Variants in KCNA5 observed in about 807,000 individuals in gnomAD.
KCNA5 encodes the protein potassium voltage-gated channel subfamily A member 5, also known as cardiac potassium channel.
In KCNA5, 22 loss-of-function variants were observed where a neutral mutation model predicts 26.5. The observed-to-expected ratio is 0.83, with a 90% confidence interval of 0.59 to 1.18. KCNA5 has a LOEUF of 1.18. Ranked by LOEUF, KCNA5 falls within the 50% of genes most tolerant of loss-of-function variation. The probability of loss-of-function intolerance (pLI) is 0.00; values close to 1 mark genes in which losing one functional copy is unlikely to be tolerated. For synonymous variants in KCNA5, 465 were observed against 372.8 expected, an observed-to-expected ratio of 1.25 and a Z score of -2.85; for missense variants, 916 against 843.2, an observed-to-expected ratio of 1.09 and a Z score of -1.07.
chr12:5,043,885 GGGC>G lies in KCNA5; in HGVS notation c.-259_-257del, dbSNP rs1229222159. 4.2e-3 allele frequency: 2,131 copies of G among 512,482 alleles called. 11 individuals carry two copies. Among genetic ancestry groups the G allele is most frequent in the Non-Finnish European group, 4.9e-3 (1,412 of 291,028 alleles). 31.7% of individuals were successfully genotyped at this position (512,482 alleles called of 1,614,324 possible). On this transcript the variant is annotated 5_prime_UTR_variant, in exon 1 of 1. Coordinates refer to ENST00000252321, the MANE Select transcript of KCNA5 (RefSeq NM_002234.4). ...GGCCAAGCGCGGCGCAGCCAGAGAG[GGGC>G]GGCTGAAGGTTGCATCTGCTGGAAG...
chr12:5,044,694 G>C lies in KCNA5; in HGVS notation c.547G>C (p.Gly183Arg). 6.2e-7 allele frequency: 1 copy of C among 1,614,150 alleles called. No homozygotes were observed. The highest frequency in any genetic ancestry group is 8.5e-7 in the Non-Finnish European group (1 of 1,180,042). Residue 183 changes from glycine (G) to arginine (R), a missense_variant, in exon 1 of 1, where the codon GGC becomes CGC. By Grantham distance (125) the Gly-to-Arg change is moderately radical (BLOSUM62 -2). Transcript: ENST00000252321. ...TATCCTCTACTACTACCAGTCCGGGGGCCGCCTGCGGAGGCCGGTCAACGT... is the reference window on the plus strand; with the variant it reads ...TATCCTCTACTACTACCAGTCCGGGCGCCGCCTGCGGAGGCCGGTCAACGT... ...DGILYYYQSG[G>R]RLRRPVNVSL...
In KCNA5 at chr12:5,044,765, G is replaced by A. The variant is rs749688563; in HGVS notation, c.618G>A (p.Gly206=). ...ACGAGATACGCTTCTACCAGCTGGG[G>A]GACGAGGCCATGGAGCGCTTCCGCG... is the stretch of plus-strand genomic sequence containing the variant. The part of the protein sequence containing the change: ...FADEIRFYQL[G]DEAMERFRED... Residue 206 remains glycine (G), a synonymous_variant, in exon 1 of 1, where the codon GGG becomes GGA. Coordinates refer to ENST00000252321, the MANE Select transcript of KCNA5 (RefSeq NM_002234.4). The A allele has an allele frequency of 3.7e-6, 6 of 1,614,192 alleles. No individual in the cohort carries two copies. The highest frequency in any genetic ancestry group is 3.3e-5 in the South Asian group (3 of 91,082).
chr12:5,046,217 C>T lies in KCNA5; in HGVS notation c.*228C>T. 1.6e-6 allele frequency: 1 copy of T among 614,538 alleles called. No homozygotes were observed. Among genetic ancestry groups the T allele is most frequent in the Non-Finnish European group, 3.0e-6 (1 of 333,716 alleles). The allele number at this position is 614,538 out of a possible 1,614,324, so 38.1% of individuals were successfully genotyped here. A position where few individuals can be genotyped will look rare whatever the true frequency, so the allele number is the denominator to read the frequency against. On this transcript the variant is annotated 3_prime_UTR_variant, in exon 1 of 1. Transcript: ENST00000252321. Reference sequence around the variant, plus strand: ...AGTACCACATTCCATGACGCAGGAGCTGTGGAAATGGTGAGCGCTGTGAGA... The same window carrying T: ...AGTACCACATTCCATGACGCAGGAGTTGTGGAAATGGTGAGCGCTGTGAGA...
chr12:5,045,361 T>C lies in KCNA5; in HGVS notation c.1214T>C (p.Val405Ala). 2.5e-6 allele frequency: 4 copies of C among 1,613,652 alleles called. No homozygotes were observed. The highest frequency in any genetic ancestry group is 3.4e-6 in the Non-Finnish European group (4 of 1,179,812). ...GCCATCCTCCGAGTCATCCGCCTGGTCCGGGTGTTCCGCATCTTCAAGCTC... is the reference window on the plus strand; with the variant it reads ...GCCATCCTCCGAGTCATCCGCCTGGCCCGGGTGTTCCGCATCTTCAAGCTC... ...SLAILRVIRL[V>A]RVFRIFKLSR... The change falls in exon 1 of 1, where the codon GTC becomes GCC. Residue 405 changes from valine to alanine, a missense_variant. Transcript: ENST00000252321. The surrounding 1 kb of genome is among the most constrained non-coding windows in gnomAD (Gnocchi z 5.6).
Position 5,044,771 on chromosome 12 carries a change from G to A in KCNA5, c.624G>A (p.Glu208=), listed in dbSNP as rs570396793. ...TACGCTTCTACCAGCTGGGGGACGAGGCCATGGAGCGCTTCCGCGAGGATG... is the reference window on the plus strand; with the variant it reads ...TACGCTTCTACCAGCTGGGGGACGAAGCCATGGAGCGCTTCCGCGAGGATG... The part of the protein sequence containing the change: ...DEIRFYQLGD[E]AMERFREDEG... Residue 208 remains glutamate, a synonymous_variant, in exon 1 of 1, where the codon GAG becomes GAA. Transcript: ENST00000252321. 5.6e-6 allele frequency: 9 copies of A among 1,614,204 alleles called. No individual in the cohort carries two copies. In the East Asian group the frequency reaches 1.8e-4, roughly 32 times the overall value.
rs527534559 is a variant in KCNA5 at position 5,045,064 on chromosome 12, C to A, written c.917C>A (p.Pro306Gln). The part of the protein sequence containing the change: ...PGANGSGVMA[P>Q]PSGPTVAPLL... ...GCCAACGGCAGCGGGGTCATGGCCC[C>A]GCCCTCTGGCCCTACGGTGGCACCG... The change falls in exon 1 of 1, where the codon CCG becomes CAG. Residue 306 changes from proline to glutamine, a missense_variant. Pro to Gln is a moderately conservative substitution (Grantham distance 76). Coordinates refer to ENST00000252321, the MANE Select transcript of KCNA5 (RefSeq NM_002234.4). This position sits in a 1 kb window ranked among gnomAD's most constrained non-coding sequence, Gnocchi z 5.6. 86 of 1,612,630 alleles carry A rather than the reference C, an allele frequency of 5.3e-5. No homozygotes were observed. The Middle Eastern group carries it at 9.9e-4, about 19-fold the overall frequency.
Position 5,044,108 on chromosome 12 carries a change from C to T in KCNA5, c.-40C>T. 1 of 1,531,680 alleles carries T rather than the reference C, an allele frequency of 6.5e-7. No individual in the cohort carries two copies. Among genetic ancestry groups the T allele is most frequent in the South Asian group, 1.2e-5 (1 of 83,874 alleles). The allele number at this position is 1,531,680 out of a possible 1,614,324, so 94.9% of individuals were successfully genotyped here. A position where few individuals can be genotyped will look rare whatever the true frequency, so the allele number is the denominator to read the frequency against. ...GGAGCGTGAGTAGGGGGCGCGGGAG[C>T]CGGTCAGCTGGGGCGCAGCATGCCC... is the stretch of plus-strand genomic sequence containing the variant. On this transcript the variant is annotated 5_prime_UTR_variant, in exon 1 of 1. Transcript: ENST00000252321.
chr12:5,044,387 G>T lies in KCNA5; in HGVS notation c.240G>T (p.Pro80=), dbSNP rs886802131. Residue 80 remains proline, a synonymous_variant, in exon 1 of 1, where the codon CCG becomes CCT. Coordinates refer to ENST00000252321, the MANE Select transcript of KCNA5 (RefSeq NM_002234.4). ...ACCCGGGAGTGCGGCCCTTGCCTCC[G>T]CTGCCAGAGGAGCTGCCACGGCCTC... ...LPDPGVRPLP[P]LPEELPRPRR... is the part of the protein sequence containing the mutation. 1 of 1,575,486 alleles carries T rather than the reference G, an allele frequency of 6.3e-7. No individual in the cohort carries two copies. Among genetic ancestry groups the T allele is most frequent in the Non-Finnish European group, 8.6e-7 (1 of 1,166,346 alleles).
Position 5,045,521 on chromosome 12 carries a change from C to T in KCNA5, c.1374C>T (p.Asp458=). Residue 458 remains aspartate (D), a synonymous_variant, in exon 1 of 1, where the codon GAC becomes GAT. Transcript: ENST00000252321. This position sits in a 1 kb window ranked among gnomAD's most constrained non-coding sequence, Gnocchi z 5.6. ...FSSAVYFAEA[D]NQGTHFSSIP... is the part of the protein sequence containing the mutation. ...GTGCCGTCTACTTCGCAGAGGCTGA[C>T]AACCAGGGAACCCATTTCTCTAGCA... The T allele has an allele frequency of 6.2e-7, 1 of 1,614,244 alleles. No individual in the cohort carries two copies. The highest frequency in any genetic ancestry group is 8.5e-7 in the Non-Finnish European group (1 of 1,180,050).
In KCNA5 at chr12:5,046,019, G is replaced by T; in HGVS notation, c.*30G>T. 1 of 1,612,896 alleles carries T rather than the reference G, an allele frequency of 6.2e-7. No homozygotes were observed. Among genetic ancestry groups the T allele is most frequent in the South Asian group, 1.1e-5 (1 of 90,992 alleles). On this transcript the variant is annotated 3_prime_UTR_variant, in exon 1 of 1. Transcript: ENST00000252321. ...AGATTCAGGCAGACTGGTGGCAGTGGAGTAGGGAATGGGAGGCTTGCTGAA... is the reference window on the plus strand; with the variant it reads ...AGATTCAGGCAGACTGGTGGCAGTGTAGTAGGGAATGGGAGGCTTGCTGAA...
In KCNA5 at chr12:5,044,222, C is replaced by T; in HGVS notation, c.75C>T (p.Gly25=). The T allele has an allele frequency of 1.3e-6, 2 of 1,538,002 alleles. No homozygotes were observed. Among genetic ancestry groups the T allele is most frequent in the Middle Eastern group, 2.0e-4 (1 of 5,014 alleles). Residue 25 remains glycine (G), a synonymous_variant, in exon 1 of 1, where the codon GGC becomes GGT. Transcript: ENST00000252321. ...GAGGAGGCGATGAGGCCCGGGCAGG[C>T]TGCGGCCAGGCCACAGGGGGAGAGC... ...TVRGGDEARA[G]CGQATGGELQ... is the part of the protein sequence containing the mutation.
Position 5,045,156 on chromosome 12 carries a change from T to C in KCNA5, c.1009T>C (p.Phe337Leu), listed in dbSNP as rs776565064. 1 of 1,614,130 alleles carries C rather than the reference T, an allele frequency of 6.2e-7. No individual in the cohort carries two copies. Residue 337 changes from phenylalanine (F) to leucine (L), a missense_variant, in exon 1 of 1, where the codon TTC becomes CTC. Phe to Leu is a conservative substitution (Grantham distance 22). Coordinates refer to ENST00000252321, the MANE Select transcript of KCNA5 (RefSeq NM_002234.4). The surrounding 1 kb of genome is among the most constrained non-coding windows in gnomAD (Gnocchi z 5.6). ...GACCACGTGCGTCATCTGGTTCACC[T>C]TCGAGCTGCTCGTGCGCTTCTTCGC... The part of the protein sequence containing the change: ...VETTCVIWFT[F>L]ELLVRFFACP...
Position 5,045,854 on chromosome 12 carries a change from C to A in KCNA5, c.1707C>A (p.Thr569=), listed in dbSNP as rs770140095. The part of the protein sequence containing the change: ...SRGSFCKAGG[T]LENADSARRG... Reference sequence around the variant, plus strand: ...GATCCTTCTGCAAGGCTGGGGGGACCCTGGAGAATGCAGACAGTGCCCGAA... The same window carrying A: ...GATCCTTCTGCAAGGCTGGGGGGACACTGGAGAATGCAGACAGTGCCCGAA... The change falls in exon 1 of 1, where the codon ACC becomes ACA. Residue 569 remains threonine (T), a synonymous_variant. Coordinates refer to ENST00000252321, the MANE Select transcript of KCNA5 (RefSeq NM_002234.4). This position sits in a 1 kb window ranked among gnomAD's most constrained non-coding sequence, Gnocchi z 5.6. The A allele has an allele frequency of 3.7e-6, 6 of 1,613,978 alleles. No homozygotes were observed. The African/African-American group carries it at 8.0e-5, about 22-fold the overall frequency.
rs1383675030 is a variant in KCNA5, at chr12:5,044,326, C to G, written c.179C>G (p.Ala60Gly). ...APKGRGAQRD[A>G]DSGVRPLPPL... ...AAGGGGCGCGGCGCGCAGAGAGACG[C>G]GGACTCGGGAGTGCGGCCCTTGCCT... Residue 60 changes from alanine (A) to glycine (G), a missense_variant, in exon 1 of 1, where the codon GCG (alanine) becomes GGG (glycine). Coordinates refer to ENST00000252321, the MANE Select transcript of KCNA5 (RefSeq NM_002234.4). 3.2e-6 allele frequency: 5 copies of G among 1,550,516 alleles called. No individual in the cohort carries two copies. In the South Asian group the frequency reaches 4.7e-5, roughly 15 times the overall value.
rs761475984 is a variant in KCNA5, at chr12:5,045,976, A to G, written c.1829A>G (p.Glu610Gly). 1.2e-6 allele frequency: 2 copies of G among 1,613,354 alleles called. No individual in the cohort carries two copies. The highest frequency in any genetic ancestry group is 2.2e-5 in the South Asian group (2 of 91,078). The change falls in exon 1 of 1, where the codon GAA becomes GGA. Residue 610 changes from glutamate (E) to glycine (G), a missense_variant. Physicochemically the swap from Glu to Gly is moderately conservative, Grantham distance 98. Transcript: ENST00000252321. This position sits in a 1 kb window ranked among gnomAD's most constrained non-coding sequence, Gnocchi z 5.6. ...GCCCTCTGCCTGGACACCAGCCGGG[A>G]AACAGATTTGTGAAAGGAGATTCAG... ...LYALCLDTSR[E>G]TDL
At position 5,044,251 on chromosome 12, in the gene KCNA5, A is replaced by G; in HGVS notation, c.104A>G (p.Gln35Arg). The G allele has an allele frequency of 6.5e-7, 1 of 1,540,186 alleles. No individual in the cohort carries two copies. Among genetic ancestry groups the G allele is most frequent in the South Asian group, 1.2e-5 (1 of 84,190 alleles). Residue 35 changes from glutamine to arginine, a missense_variant, in exon 1 of 1, where the codon CAG becomes CGG. Physicochemically the swap from Gln to Arg is conservative, Grantham distance 43. Coordinates refer to ENST00000252321, the MANE Select transcript of KCNA5 (RefSeq NM_002234.4). ...GGCCAGGCCACAGGGGGAGAGCTCC[A>G]GTGTCCCCCGACGGCTGGGCTCAGC... ...GCGQATGGEL[Q>R]CPPTAGLSDG...
rs1846141535 is a variant in KCNA5, at chr12:5,044,727, G to C, written c.580G>C (p.Asp194His). 2 of 1,614,034 alleles carry C rather than the reference G, an allele frequency of 1.2e-6. No homozygotes were observed. The highest frequency in any genetic ancestry group is 1.1e-5 in the South Asian group (1 of 91,088). Residue 194 changes from aspartate to histidine, a missense_variant, in exon 1 of 1, where the codon GAC (aspartate) becomes CAC (histidine). Asp to His is a moderately conservative substitution (Grantham distance 81, BLOSUM62 -1). Coordinates refer to ENST00000252321, the MANE Select transcript of KCNA5 (RefSeq NM_002234.4). ...GCGGAGGCCGGTCAACGTCTCCCTGGACGTGTTCGCGGACGAGATACGCTT... is the reference window on the plus strand; with the variant it reads ...GCGGAGGCCGGTCAACGTCTCCCTGCACGTGTTCGCGGACGAGATACGCTT... ...RLRRPVNVSL[D>H]VFADEIRFYQ...
Position 5,044,971 on chromosome 12 carries a change from T to A in KCNA5, c.824T>A (p.Phe275Tyr). The change falls in exon 1 of 1, where the codon TTC becomes TAC. Residue 275 changes from phenylalanine (F) to tyrosine (Y), a missense_variant. Physicochemically the swap from Phe to Tyr is conservative, Grantham distance 22 (BLOSUM62 3). Coordinates refer to ENST00000252321, the MANE Select transcript of KCNA5 (RefSeq NM_002234.4). ...TTCTGCTTGGAGACCCTGCCTGAGT[T>A]CAGGGATGAACGTGAGCTGCTCCGC... is the stretch of plus-strand genomic sequence containing the variant. ...ITFCLETLPE[F>Y]RDERELLRHP... 6.2e-7 allele frequency: 1 copy of A among 1,613,356 alleles called. No homozygotes were observed. The highest frequency in any genetic ancestry group is 8.5e-7 in the Non-Finnish European group (1 of 1,179,938).
At position 5,044,983 on chromosome 12, in the gene KCNA5, G is replaced by C; in HGVS notation, c.836G>C (p.Arg279Pro). 6.2e-7 allele frequency: 1 copy of C among 1,613,234 alleles called. No homozygotes were observed. Among genetic ancestry groups the C allele is most frequent in the Non-Finnish European group, 8.5e-7 (1 of 1,179,966 alleles). The change falls in exon 1 of 1, where the codon CGT (arginine) becomes CCT (proline). Residue 279 changes from arginine (R) to proline (P), a missense_variant. Physicochemically the swap from Arg to Pro is moderately radical, Grantham distance 103. Transcript: ENST00000252321. ...ACCCTGCCTGAGTTCAGGGATGAACGTGAGCTGCTCCGCCACCCTCCGGCG... is the reference window on the plus strand; with the variant it reads ...ACCCTGCCTGAGTTCAGGGATGAACCTGAGCTGCTCCGCCACCCTCCGGCG... ...LETLPEFRDERELLRHPPAPH... is the reference protein window; with the variant it reads ...LETLPEFRDEPELLRHPPAPH...
Sources: allele counts gnomAD v4.1 joint callset, GRCh38; gene constraint gnomAD v4.1.1; non-coding constraint Gnocchi (gnomAD v3.1); transcripts MANE v1.5; gene names NCBI Gene and HGNC (gene_info 2026-07-23, HGNC 2026-07-21).